TEAD1: variants seen among roughly 807,000 people sequenced by gnomAD.
TEAD1 encodes transcriptional enhancer factor TEF-1.
TEAD1 carries 9 observed loss-of-function variants against 54.9 expected under a neutral mutation model. That is an observed-to-expected ratio of 0.16 (90% CI 0.10 to 0.29). TEAD1 has a LOEUF of 0.29. Ranked by LOEUF, TEAD1 falls within the 10% of genes least tolerant of loss-of-function variation. TEAD1 has a pLI of 1.00. For missense variants in TEAD1, 387 were observed against 535.9 expected, an observed-to-expected ratio of 0.72 and a Z score of 2.74; for synonymous variants, 200 against 187.8, an observed-to-expected ratio of 1.07 and a Z score of -0.53.
At chr11:12,864,940 A>T in intron 5 of TEAD1, 40 bp downstream of exon 5, 1 of 1,607,878 alleles carries the variant, frequency 6.2e-7, no homozygotes, top group South Asian at 1.1e-5. Flanking sequence ...GTTGCTATGC[A>T]TCTCACTTCC....
chr11:12,762,766 T>C (rs1250229143), intron 2 of TEAD1, among the ~76,000 whole-genome samples: 1 of 152,166 alleles, frequency 6.6e-6, no homozygotes, highest in South Asian at 2.1e-4. Flanking sequence ...TCTGTTGATA[T>C]ACACAGGTGG....
At chr11:12,814,693 C>CCT (rs1946376813) in intron 3 of TEAD1, among the ~76,000 whole-genome samples, 1 of 152,064 alleles carries the variant, frequency 6.6e-6, no homozygotes, top group African/African-American at 2.4e-5. Flanking sequence ...GAGGCTTAGA[C>CCT]ATGTTAGGAA....
intron 3 of TEAD1, among the ~76,000 whole-genome samples, chr11:12,837,009 A>C (rs1328224425): frequency 2.0e-5 from 3 of 152,208 alleles, no homozygotes. Flanking sequence ...AATGATGCAC[A>C]TCCCACAGTG....
At chr11:12,676,127 C>T (rs929413662) in intron 2 of TEAD1, among the ~76,000 whole-genome samples, 2 of 152,220 alleles carry the variant, frequency 1.3e-5, no homozygotes, top group African/African-American at 4.8e-5. Flanking sequence ...ATAGAAAGGT[C>T]TGTTAAGCCT....
intron 3 of TEAD1, among the ~76,000 whole-genome samples, chr11:12,839,850 AAG>A (rs1946987096): frequency 6.6e-6 from 1 of 152,182 alleles, no homozygotes; most frequent in Non-Finnish European, 1.5e-5. Flanking sequence ...GTAATGTGGT[AAG>A]ACTCATTAAT....
intron 10 of TEAD1, among the ~76,000 whole-genome samples, chr11:12,912,088 T>C (rs755866471): frequency 7.9e-5 from 12 of 152,150 alleles, no homozygotes; most frequent in Non-Finnish European, 1.6e-4. Context: ...TGAGGAATCA[T>C]CCGCAAGCAA....
At position 12,864,827 on chromosome 11, in the gene TEAD1, CT is replaced by C; in HGVS notation, c.268-10del. ...TTTTCCTTTGTTTTCCTCCCTTCCCCTACCCTGCAGGTGTCTAGTCACATTC... is the reference window on the plus strand; with the variant it reads ...TTTTCCTTTGTTTTCCTCCCTTCCCCACCCTGCAGGTGTCTAGTCACATTC... On this transcript the variant is annotated splice_polypyrimidine_tract_variant and intron_variant, in intron 4 of 12. Transcript: ENST00000527636. 1 of 1,614,050 alleles carries C rather than the reference CT, an allele frequency of 6.2e-7. No homozygotes were observed. Among genetic ancestry groups the C allele is most frequent in the Admixed American group, 1.7e-5 (1 of 60,008 alleles).
At chr11:12,758,529 G>C (rs1445597853) in intron 2 of TEAD1, among the ~76,000 whole-genome samples, 1 of 149,914 alleles carries the variant, frequency 6.7e-6, no homozygotes, top group Admixed American at 6.7e-5. Flanking sequence ...TCCCACCTCA[G>C]CCTCCTGAGT....
intron 3 of TEAD1, among the ~76,000 whole-genome samples, chr11:12,830,650 G>A (rs948313785): frequency 6.6e-6 from 1 of 152,010 alleles, no homozygotes; most frequent in African/African-American, 2.4e-5. Flanking sequence ...AAAAAAATCT[G>A]TTAGCCTGGT....
intron 9 of TEAD1, among the ~76,000 whole-genome samples, chr11:12,890,532 C>G (rs1044215195): frequency 5.3e-5 from 8 of 152,200 alleles, no homozygotes; most frequent in Non-Finnish European, 1.2e-4. Context: ...AGCTCAGCCT[C>G]AGTTTCCAGT....
intron 2 of TEAD1, among the ~76,000 whole-genome samples, chr11:12,712,281 A>G (rs1477169719): frequency 1.3e-5 from 2 of 152,162 alleles, no homozygotes; most frequent in African/African-American, 2.4e-5. Flanking sequence ...TAAATTGCCA[A>G]GGGACTCTCA....
At chr11:12,807,472 G>A (rs1299195027) in intron 3 of TEAD1, among the ~76,000 whole-genome samples, 2 of 152,182 alleles carry the variant, frequency 1.3e-5, no homozygotes, top group African/African-American at 2.4e-5. Flanking sequence ...GTGTAACCTT[G>A]AGCAAGTTAC....
chr11:12,898,048 C>T (rs964657175), intron 9 of TEAD1, among the ~76,000 whole-genome samples: 1 of 152,170 alleles, frequency 6.6e-6, no homozygotes, highest in Non-Finnish European at 1.5e-5. Context: ...ATTAAATCCA[C>T]CTCCAGCAGC....
intron 5 of TEAD1, among the ~76,000 whole-genome samples, chr11:12,866,706 A>G (rs556493385): frequency 2.0e-4 from 30 of 152,324 alleles, no homozygotes; most frequent in Non-Finnish European, 4.1e-4. Flanking sequence ...TTAAGCTCCA[A>G]GAACCACCTC....
intron 2 of TEAD1, among the ~76,000 whole-genome samples, chr11:12,723,732 C>T (rs181301683): frequency 7.5e-4 from 114 of 152,222 alleles, no homozygotes; most frequent in Non-Finnish European, 6.8e-4. Context: ...ATGTAGGTTG[C>T]CTAAATTATG....
chr11:12,812,436 T>G (rs1946322214), intron 3 of TEAD1, among the ~76,000 whole-genome samples: 1 of 152,210 alleles, frequency 6.6e-6, no homozygotes, highest in South Asian at 2.1e-4. Context: ...ATGGAAACAC[T>G]GAACATGTTT....
At chr11:12,769,374 A>G (rs144539633) in intron 3 of TEAD1, among the ~76,000 whole-genome samples, 1 of 152,284 alleles carries the variant, frequency 6.6e-6, no homozygotes, top group Non-Finnish European at 1.5e-5. Context: ...TAAATGAGGT[A>G]GTGGCAGAAC....
In TEAD1 at chr11:12,939,402, G is replaced by C. The variant is rs56291315; in HGVS notation, c.*2180G>C. 0.024 allele frequency: 3,681 copies of C among 152,370 alleles called. 71 individuals are homozygous for C. The highest frequency in any genetic ancestry group is 0.041 in the Middle Eastern group (12 of 296). 9.4% of individuals were successfully genotyped at this position (152,370 alleles called of 1,614,324 possible). On this transcript the variant is annotated 3_prime_UTR_variant, in exon 13 of 13. Transcript: ENST00000527636. ...GTTTATGACCAGGCGAGCACAAATG[G>C]CTAAAAGCCAAGCTGTCCTAGAACT...
intron 2 of TEAD1, among the ~76,000 whole-genome samples, chr11:12,704,581 CTTCCTTTTA>C (rs1943773959): frequency 6.6e-6 from 1 of 152,224 alleles, no homozygotes; most frequent in Non-Finnish European, 1.5e-5. Context: ...AAAACCAAGC[CTTCCTTTTA>C]TTCCCTTAGT....
Sources: allele counts gnomAD v4.1 joint callset (sites outside exome capture counted in the v4.1 genomes callset), GRCh38; gene constraint gnomAD v4.1.1; transcripts MANE v1.5; gene names NCBI Gene and HGNC (gene_info 2026-07-23, HGNC 2026-07-21).